The following CPA6 variants were observed in gnomAD, a reference collection of about 807,000 sequenced individuals.
The protein encoded by CPA6 is carboxypeptidase B.
A neutral mutation model predicts 63.3 loss-of-function variants in CPA6; 58 were observed. The observed-to-expected ratio is 0.92, with a 90% CI of 0.74 to 1.14. The LOEUF is 1.14. Among genes scored for constraint, CPA6 ranks in the 50% most tolerant of loss-of-function variants. The pLI, the probability that CPA6 is intolerant of heterozygous loss-of-function variation, is 0.00. For missense variants in CPA6, 565 were observed against 526.6 expected (o/e 1.07, Z -0.71); for synonymous variants, 185 against 179.0 (o/e 1.03, Z -0.27).
At chr8:67,730,201 C>T (rs1817680530) in intron 1 of CPA6, among the ~76,000 whole-genome samples, 1 of 152,180 alleles carries the variant, frequency 6.6e-6, no homozygotes, top group South Asian at 2.1e-4. Context: ...TTTGACCAAC[C>T]AGCTATAAAT....
chr8:67,483,544 C>T (rs146447449), intron 8 of CPA6: 2 of 557,382 alleles, frequency 3.6e-6, no homozygotes, highest in East Asian at 2.9e-5. Flanking sequence ...GTTTTCAGGA[C>T]CGAATTGACA....
chr8:67,500,818 G>A lies in CPA6; in HGVS notation c.636+5969C>T, dbSNP rs532998644. On this transcript the variant is annotated intron_variant, in intron 6 of 10. Transcript: ENST00000297770. ...TGCTCCAGCACCATTTGTTGAAAAG[G>A]CTGTCTTTCCTCCTTTGAATTGGTT... Among the ~76,000 whole-genome samples the A allele has an allele frequency of 4.0e-5, 6 of 151,610 alleles. No individual in the cohort carries two copies. In the East Asian group the frequency reaches 9.7e-4, roughly 25 times the overall value.
intron 4 of CPA6, 50 bp downstream of exon 4, chr8:67,511,491 G>T: frequency 2.9e-6 from 3 of 1,025,436 alleles, no homozygotes; most frequent in Non-Finnish European, 4.6e-6. Context: ...AGACCTAAAT[G>T]ATAAAGATGA....
chr8:67,431,174 A>T (rs1442984271), intron 9 of CPA6, among the ~76,000 whole-genome samples: 2 of 152,136 alleles, frequency 1.3e-5, no homozygotes, highest in African/African-American at 4.8e-5. Context: ...CACATGTTCC[A>T]ATCCAAGACA....
chr8:67,473,113 A>G (rs1304425809), intron 8 of CPA6, among the ~76,000 whole-genome samples: 1 of 152,242 alleles, frequency 6.6e-6, no homozygotes. Flanking sequence ...TCTTTTTAGC[A>G]GTGTATTAGC....
At chr8:67,542,920 C>T (rs2053054733) in intron 2 of CPA6, among the ~76,000 whole-genome samples, 2 of 152,202 alleles carry the variant, frequency 1.3e-5, no homozygotes, top group African/African-American at 4.8e-5. Flanking sequence ...CCTCCATCAC[C>T]CCTTTCCATC....
intron 3 of CPA6, among the ~76,000 whole-genome samples, chr8:67,512,718 C>T (rs1812066619): frequency 7.0e-6 from 1 of 143,526 alleles, no homozygotes; most frequent in African/African-American, 3.0e-5. Context: ...TGGCAGGTAG[C>T]TAAAAAGCTT....
At chr8:67,608,834 G>A (rs765546717) in intron 2 of CPA6, among the ~76,000 whole-genome samples, 1 of 152,196 alleles carries the variant, frequency 6.6e-6, no homozygotes, top group Non-Finnish European at 1.5e-5. Context: ...CCATGAAGGG[G>A]CCAAGGCAAT....
intron 2 of CPA6, among the ~76,000 whole-genome samples, chr8:67,525,863 A>G (rs1384604548): frequency 6.6e-6 from 1 of 152,186 alleles, no homozygotes; most frequent in African/African-American, 2.4e-5. Flanking sequence ...GGCATTGGAG[A>G]CCCGCAAAAG....
chr8:67,615,048 C>G (rs981119089), intron 2 of CPA6, among the ~76,000 whole-genome samples: 1 of 152,134 alleles, frequency 6.6e-6, no homozygotes, highest in Non-Finnish European at 1.5e-5. Context: ...TATCGATACT[C>G]GTTTATAAGG....
intron 2 of CPA6, among the ~76,000 whole-genome samples, chr8:67,614,783 C>A (rs1460840652): frequency 6.6e-6 from 1 of 152,148 alleles, no homozygotes; most frequent in Non-Finnish European, 1.5e-5. Flanking sequence ...GAAGATGGTG[C>A]CTTTGGAACA....
At chr8:67,597,072 A>C (rs1814358185) in intron 2 of CPA6, among the ~76,000 whole-genome samples, 1 of 152,150 alleles carries the variant, frequency 6.6e-6, no homozygotes, top group Non-Finnish European at 1.5e-5. Flanking sequence ...TTGCCTTTGT[A>C]ATCAATAAAT....
At chr8:67,502,337 C>A (rs1172856882) in intron 6 of CPA6, among the ~76,000 whole-genome samples, 1 of 152,080 alleles carries the variant, frequency 6.6e-6, no homozygotes, top group Non-Finnish European at 1.5e-5. Flanking sequence ...GTGGCACACA[C>A]CTGTGGTCCC....
chr8:67,592,462 G>A (rs1244746495), intron 2 of CPA6, among the ~76,000 whole-genome samples: 1 of 151,866 alleles, frequency 6.6e-6, no homozygotes, highest in African/African-American at 2.4e-5. Context: ...AGAAGGAATG[G>A]TACCAGTTCC....
rs188568846 is a variant in CPA6, at chr8:67,427,771, G to A, written c.1126+276C>T. On this transcript the variant is annotated intron_variant, in intron 10 of 10. Coordinates refer to ENST00000297770, the MANE Select transcript of CPA6 (RefSeq NM_020361.5). ...AGAATTGCTTAAGGAGCCCATTTTG[G>A]TATGTTCTACTCTCATAAGCTCTCA... Among the ~76,000 whole-genome samples, 8 of 152,206 alleles carry A rather than the reference G, an allele frequency of 5.3e-5. No homozygotes were observed. In the East Asian group the frequency reaches 9.7e-4, roughly 18 times the overall value.
chr8:67,521,443 A>G (rs1171450083), intron 2 of CPA6, among the ~76,000 whole-genome samples: 1 of 152,172 alleles, frequency 6.6e-6, no homozygotes, highest in Non-Finnish European at 1.5e-5. Context: ...TTAAAAACAT[A>G]CCCAGCAGGC....
At chr8:67,495,434 T>C (rs1461101444) in intron 6 of CPA6, among the ~76,000 whole-genome samples, 2 of 152,204 alleles carry the variant, frequency 1.3e-5, no homozygotes, top group African/African-American at 2.4e-5. Context: ...TGCCTTCATA[T>C]AAAAAGAAGT....
intron 2 of CPA6, among the ~76,000 whole-genome samples, chr8:67,564,536 A>G (rs538564171): frequency 1.1e-4 from 17 of 152,178 alleles, no homozygotes; most frequent in Middle Eastern, 3.4e-3. Context: ...TTCTTATACA[A>G]GTGAGTTCTC....
intron 1 of CPA6, among the ~76,000 whole-genome samples, chr8:67,697,775 A>AG (rs1816938207): frequency 6.6e-6 from 1 of 151,844 alleles, no homozygotes; most frequent in Admixed American, 6.6e-5. Flanking sequence ...GGAAAAAAAA[A>AG]ACTAATTTTA....
Sources: allele counts gnomAD v4.1 joint callset (sites outside exome capture counted in the v4.1 genomes callset), GRCh38; gene constraint gnomAD v4.1.1; transcripts MANE v1.5; gene names NCBI Gene and HGNC (gene_info 2026-07-23, HGNC 2026-07-21).